CFAP44: variants seen among roughly 807,000 people sequenced by gnomAD.
CFAP44 encodes the protein cilia and flagella associated protein 44.
CFAP44 carries 134 observed loss-of-function variants against 216.2 expected under a neutral mutation model. The ratio of observed to expected loss-of-function variants is 0.62; its 90% CI spans 0.54 to 0.72. The LOEUF (loss-of-function observed/expected upper bound fraction) is 0.72. CFAP44 is among the 30% of genes least tolerant of loss of function. The probability of loss-of-function intolerance (pLI) is 0.00; values close to 1 mark genes in which losing one functional copy is unlikely to be tolerated. For missense variants in CFAP44, 2,035 were observed against 2,182.1 expected, an observed-to-expected ratio of 0.93 and a Z score of 1.34; for synonymous variants, 700 against 727.6, an observed-to-expected ratio of 0.96 and a Z score of 0.61.
Position 113,288,178 on chromosome 3 carries a change from T to G in CFAP44, c.*3379A>C, listed in dbSNP as rs1949793176. 1 of 152,136 alleles carries G rather than the reference T, an allele frequency of 6.6e-6. No individual in the cohort carries two copies. 9.4% of individuals were successfully genotyped at this position (152,136 alleles called of 1,614,324 possible). On this transcript the variant is annotated 3_prime_UTR_variant, in exon 35 of 35. Coordinates refer to ENST00000393845, the MANE Select transcript of CFAP44 (RefSeq NM_001164496.2). ...GTTAAGTGGGGGGCCAGACCCTGGC[T>G]TTTAAACATGAAGAATTTGATAAAC...
At chr3:113,400,056 T>C in intron 12 of CFAP44, 56 bp from the exon 13 acceptor site, 1 of 1,185,756 alleles carries the variant, frequency 8.4e-7, no homozygotes, top group Non-Finnish European at 1.2e-6. Flanking sequence ...TTTTTAAGTC[T>C]TGGCTCACTT....
chr3:113,421,257 C>T lies in CFAP44; in HGVS notation c.408-1078G>A, dbSNP rs1934808256. Among the ~76,000 whole-genome samples, 3 of 152,290 alleles carry T rather than the reference C, an allele frequency of 2.0e-5. No individual in the cohort carries two copies. In the South Asian group the frequency reaches 6.2e-4, roughly 32 times the overall value. ...ATGAAAAACGCTCCACATCACTAAT[C>T]ATCAGTGAGATGCAAATCAAAACCA... On this transcript the variant is annotated intron_variant, in intron 4 of 34. Transcript: ENST00000393845.
chr3:113,440,664 AT>A (rs1264216925), intron 1 of CFAP44, among the ~76,000 whole-genome samples: 3 of 151,984 alleles, frequency 2.0e-5, no homozygotes, highest in Non-Finnish European at 4.4e-5. Context: ...TATCGCTTGT[AT>A]TTCTAAAACA....
rs997394157 is a variant in CFAP44, at chr3:113,291,310, T to C, written c.*247A>G. 1.1e-5 allele frequency: 4 copies of C among 368,840 alleles called. No homozygotes were observed. The highest frequency in any genetic ancestry group is 2.0e-5 in the Non-Finnish European group (4 of 202,640). 22.8% of individuals were successfully genotyped at this position (368,840 alleles called of 1,614,324 possible). A position where few individuals can be genotyped will look rare whatever the true frequency, so the allele number is the denominator to read the frequency against. The stretch of plus-strand genomic sequence containing the variant: ...TGAAACACAGCCTTCCGAGACTTCA[T>C]ATTCAATCTAGTAGGTTCGAAACAT... On this transcript the variant is annotated 3_prime_UTR_variant, in exon 35 of 35. Transcript: ENST00000393845.
At chr3:113,342,279 G>A (rs1202475752) in intron 23 of CFAP44, among the ~76,000 whole-genome samples, 5 of 152,140 alleles carry the variant, frequency 3.3e-5, no homozygotes, top group African/African-American at 9.7e-5. Context: ...GTTGCAGTAA[G>A]CTGAAATCTT....
At position 113,395,841 on chromosome 3, in the gene CFAP44, A is replaced by T. The variant is rs145870771; in HGVS notation, c.1799T>A (p.Phe600Tyr). The change falls in exon 15 of 35, where the codon TTC becomes TAC. Residue 600 changes from phenylalanine (F) to tyrosine (Y), a missense_variant. Phe to Tyr is a conservative substitution (Grantham distance 22). Around this residue, in one of 3 missense-constraint regions of CFAP44, gnomAD observed 1,883 missense variants for 2,023.7 expected, o/e 0.93. Coordinates refer to ENST00000393845, the MANE Select transcript of CFAP44 (RefSeq NM_001164496.2). ...ATAATCCCTTTCCACTTCAAAGAAG[A>T]AAACAGTTTGATCTTTACTCTAAGG... ...LATGSKDQTV[F>Y]FFEVERDYKP... The T allele has an allele frequency of 1.2e-5, 19 of 1,613,820 alleles. No individual in the cohort carries two copies. The highest frequency in any genetic ancestry group is 1.6e-5 in the Non-Finnish European group (19 of 1,179,830).
chr3:113,386,328 A>C (rs1431793016), intron 15 of CFAP44, among the ~76,000 whole-genome samples: 2 of 152,016 alleles, frequency 1.3e-5, no homozygotes, highest in African/African-American at 2.4e-5. Flanking sequence ...ATGTCTTTAG[A>C]TTGTGGAGTT....
At chr3:113,385,374 T>G (rs1365443889) in intron 15 of CFAP44, among the ~76,000 whole-genome samples, 1 of 152,194 alleles carries the variant, frequency 6.6e-6, no homozygotes, top group Admixed American at 6.5e-5. Context: ...ATCAACCAGG[T>G]AGTCAGAAGA....
intron 6 of CFAP44, among the ~76,000 whole-genome samples, chr3:113,415,730 G>A (rs1170059517): frequency 6.6e-6 from 1 of 152,136 alleles, no homozygotes; most frequent in Non-Finnish European, 1.5e-5. Context: ...CTGAGAGACT[G>A]TTATGATTTC....
intron 1 of CFAP44, among the ~76,000 whole-genome samples, chr3:113,437,566 T>C (rs1041061181): frequency 1.3e-5 from 2 of 152,192 alleles, no homozygotes; most frequent in African/African-American, 4.8e-5. Flanking sequence ...TAATGTCAGG[T>C]TGTGTACAAT....
chr3:113,436,734 C>A (rs966928633), intron 1 of CFAP44, among the ~76,000 whole-genome samples: 3 of 152,182 alleles, frequency 2.0e-5, no homozygotes, highest in African/African-American at 4.8e-5. Context: ...CCAACAAAAT[C>A]AAACTGATAT....
chr3:113,386,311 C>T (rs1312244228), intron 15 of CFAP44, among the ~76,000 whole-genome samples: 1 of 152,088 alleles, frequency 6.6e-6, no homozygotes, highest in Non-Finnish European at 1.5e-5. Context: ...ATTCATTCAG[C>T]TTCTCTATGT....
chr3:113,441,088 G>A (rs1236534197), intron 1 of CFAP44, among the ~76,000 whole-genome samples: 2 of 152,164 alleles, frequency 1.3e-5, no homozygotes, highest in African/African-American at 4.8e-5. Context: ...AGGGCCCAGC[G>A]TGCCAAGCGT....
At chr3:113,374,002 G>C (rs1933256655) in intron 17 of CFAP44, among the ~76,000 whole-genome samples, 1 of 152,108 alleles carries the variant, frequency 6.6e-6, no homozygotes, top group Non-Finnish European at 1.5e-5. Context: ...GTGAGAAGAT[G>C]AATGATCAAC....
chr3:113,413,238 T>C (rs1416257895), intron 6 of CFAP44, among the ~76,000 whole-genome samples: 1 of 152,172 alleles, frequency 6.6e-6, no homozygotes, highest in East Asian at 1.9e-4. Context: ...CTTGTAAACA[T>C]GTTTAAGTTC....
intron 32 of CFAP44, among the ~76,000 whole-genome samples, chr3:113,300,238 G>A (rs1447874932): frequency 2.0e-5 from 3 of 152,020 alleles, no homozygotes; most frequent in Non-Finnish European, 4.4e-5. Context: ...GGGGGATGTG[G>A]GAATGGTTAA....
At chr3:113,312,219 C>T (rs887022342) in intron 28 of CFAP44, among the ~76,000 whole-genome samples, 10 of 151,066 alleles carry the variant, frequency 6.6e-5, no homozygotes, top group Middle Eastern at 3.4e-3. Flanking sequence ...CTACAGGTGC[C>T]CGCCACCATG....
chr3:113,440,381 CAA>C (rs1185737308), intron 1 of CFAP44, among the ~76,000 whole-genome samples: 1 of 152,128 alleles, frequency 6.6e-6, no homozygotes, highest in Non-Finnish European at 1.5e-5. Context: ...ATTTTTGAGA[CAA>C]AGTCTTGCTA....
At position 113,287,849 on chromosome 3, in the gene CFAP44, T is replaced by C. The variant is rs1432538752; in HGVS notation, c.*3708A>G. The stretch of plus-strand genomic sequence containing the variant: ...AAGTGCTGTGCCACACATGGACATA[T>C]GGTGCATAATAAATTCACTTCCCTT... On this transcript the variant is annotated 3_prime_UTR_variant, in exon 35 of 35. Coordinates refer to ENST00000393845, the MANE Select transcript of CFAP44 (RefSeq NM_001164496.2). 6.6e-6 allele frequency: 1 copy of C among 152,260 alleles called. No homozygotes were observed. The highest frequency in any genetic ancestry group is 6.5e-5 in the Admixed American group (1 of 15,286). 9.4% of individuals were successfully genotyped at this position (152,260 alleles called of 1,614,324 possible). A position where few individuals can be genotyped will look rare whatever the true frequency, so the allele number is the denominator to read the frequency against.
Sources: gnomAD v4.1 joint callset for allele counts (sites outside exome capture counted in the v4.1 genomes callset) on GRCh38, gnomAD v4.1.1 for gene constraint, gnomAD v4.1.1 regional missense constraint, MANE v1.5 for transcripts, NCBI Gene and HGNC (gene_info 2026-07-23, HGNC 2026-07-21) for gene names.